Variants in SMARCC2 observed in about 807,000 individuals in gnomAD.
SMARCC2 encodes SWI/SNF complex subunit SMARCC2.
SMARCC2 carries 15 observed loss-of-function variants against 151.3 expected under a neutral mutation model. That is an observed-to-expected ratio of 0.10 (90% CI 0.07 to 0.15). The LOEUF is 0.15. Ranked by LOEUF, SMARCC2 falls within the 10% of genes least tolerant of loss-of-function variation. SMARCC2 has a pLI of 1.00. For missense variants in SMARCC2, 1,031 were observed against 1,599.7 expected (o/e 0.64, Z 6.06); for synonymous variants, 590 against 609.5 (o/e 0.97, Z 0.47).
In SMARCC2 at chr12:56,169,827, T is replaced by C. The variant is rs903469470; in HGVS notation, c.2497A>G (p.Lys833Glu). ...EAPKKDEEKG[K>E]EGDSEKESEK... is the part of the protein sequence containing the mutation. ...GACTCCTTCTCACTGTCGCCTTCTT[T>C]CCCTTTCTCCTCATCCTTCTTGGGA... The change falls in exon 24 of 29, where the codon AAA becomes GAA. Residue 833 changes from lysine to glutamate, a missense_variant. Transcript: ENST00000550164. The C allele has an allele frequency of 6.2e-7, 1 of 1,614,076 alleles. No individual in the cohort carries two copies. Among genetic ancestry groups the C allele is most frequent in the Non-Finnish European group, 8.5e-7 (1 of 1,180,012 alleles).
chr12:56,189,348 T>C lies in SMARCC2; in HGVS notation c.111+3A>G. The C allele has an allele frequency of 6.7e-7, 1 of 1,488,556 alleles. No individual in the cohort carries two copies. The highest frequency in any genetic ancestry group is 9.0e-7 in the Non-Finnish European group (1 of 1,105,494). 92.2% of individuals were successfully genotyped at this position (1,488,556 alleles called of 1,614,324 possible). Reference sequence around the variant, plus strand: ...CCCGCGCGGCCCGGCCCGGCCCGCGTACCTTCTTGTAGTTCTTGCCGAGCC... The same window carrying C: ...CCCGCGCGGCCCGGCCCGGCCCGCGCACCTTCTTGTAGTTCTTGCCGAGCC... On this transcript the variant is annotated splice_donor_region_variant and intron_variant, in intron 1 of 28. Coordinates refer to ENST00000550164, the MANE Select transcript of SMARCC2 (RefSeq NM_001330288.2).
Position 56,182,085 on chromosome 12 carries a change from A to G in SMARCC2, c.633-6T>C, listed in dbSNP as rs548815638. The G allele has an allele frequency of 1.2e-6, 2 of 1,607,536 alleles. No homozygotes were observed. The highest frequency in any genetic ancestry group is 2.7e-5 in the African/African-American group (2 of 74,808). ...CTGGGATCCACGTGTCGTAACTGCCATGGGAAATTGAGCACACAGTAGAAT... is the reference window on the plus strand; with the variant it reads ...CTGGGATCCACGTGTCGTAACTGCCGTGGGAAATTGAGCACACAGTAGAAT... On this transcript the variant is annotated splice_polypyrimidine_tract_variant and splice_region_variant and intron_variant, in intron 7 of 28. Coordinates refer to ENST00000550164, the MANE Select transcript of SMARCC2 (RefSeq NM_001330288.2).
At position 56,181,031 on chromosome 12, in the gene SMARCC2, T is replaced by C; in HGVS notation, c.1027A>G (p.Met343Val). ...EEEQEDLTKDMDEPSPVPNVE... is the reference protein window; with the variant it reads ...EEEQEDLTKDVDEPSPVPNVE... The stretch of plus-strand genomic sequence containing the variant: ...TTGGGGACTGGTGAGGGCTCGTCCA[T>C]GTCCTTTGTCAGGTCTTCTTGCTCC... The change falls in exon 11 of 29, where the codon ATG becomes GTG. Residue 343 changes from methionine to valine, a missense_variant. Around this residue, in one of 12 missense-constraint regions of SMARCC2, gnomAD observed 127 missense variants for 141.7 expected, o/e 0.90. Transcript: ENST00000550164. The C allele has an allele frequency of 6.2e-7, 1 of 1,614,044 alleles. No homozygotes were observed. The highest frequency in any genetic ancestry group is 8.5e-7 in the Non-Finnish European group (1 of 1,179,966).
chr12:56,170,429 T>G (rs1873712620), intron 22 of SMARCC2, among the ~76,000 whole-genome samples: 1 of 151,608 alleles, frequency 6.6e-6, no homozygotes, highest in Admixed American at 6.6e-5. Context: ...TTTTTTTTTG[T>G]TTTTTGTTTT....
chr12:56,178,651 C>A, intron 13 of SMARCC2, 117 bp from the exon 14 acceptor site: 1 of 1,511,678 alleles, frequency 6.6e-7, no homozygotes, highest in South Asian at 1.1e-5. Context: ...ACTGAGCAGT[C>A]ATGGGCCCCA....
At position 56,163,661 on chromosome 12, in the gene SMARCC2, T is replaced by G. The variant is rs1592267740; in HGVS notation, c.*28A>C. The G allele has an allele frequency of 5.2e-6, 7 of 1,355,324 alleles. No individual in the cohort carries two copies. Among genetic ancestry groups the G allele is most frequent in the South Asian group, 3.0e-5 (2 of 67,096 alleles). The allele number at this position is 1,355,324 out of a possible 1,614,324, so 84.0% of individuals were successfully genotyped here. A position where few individuals can be genotyped will look rare whatever the true frequency, so the allele number is the denominator to read the frequency against. ...CTGGAACCGTGATGTCCACAGGGGGTGAGGGGGAGAGATGTCTGGCTGGCT... is the reference window on the plus strand; with the variant it reads ...CTGGAACCGTGATGTCCACAGGGGGGGAGGGGGAGAGATGTCTGGCTGGCT... On this transcript the variant is annotated 3_prime_UTR_variant, in exon 29 of 29. Coordinates refer to ENST00000550164, the MANE Select transcript of SMARCC2 (RefSeq NM_001330288.2).
Position 56,165,432 on chromosome 12 carries a change from G to A in SMARCC2, c.3118C>T (p.Pro1040Ser). ...GSGAPPGSLG[P>S]SEQIGQAGST... ...CCTGCCTGCCCAATCTGTTCAGAAGGGCCCAAACTTCCTGGAGGGGCCCCA... is the reference window on the plus strand; with the variant it reads ...CCTGCCTGCCCAATCTGTTCAGAAGAGCCCAAACTTCCTGGAGGGGCCCCA... Residue 1040 changes from proline (P) to serine (S), a missense_variant, in exon 27 of 29, where the codon CCT becomes TCT. Around this residue, in one of 12 missense-constraint regions of SMARCC2, gnomAD observed 310 missense variants for 350.0 expected, o/e 0.89. Coordinates refer to ENST00000550164, the MANE Select transcript of SMARCC2 (RefSeq NM_001330288.2). 6.5e-7 allele frequency: 1 copy of A among 1,531,608 alleles called. No homozygotes were observed. The highest frequency in any genetic ancestry group is 8.8e-7 in the Non-Finnish European group (1 of 1,140,836). 94.9% of individuals were successfully genotyped at this position (1,531,608 alleles called of 1,614,324 possible).
chr12:56,177,242 C>T (rs536623228), intron 15 of SMARCC2, among the ~76,000 whole-genome samples: 30 of 152,156 alleles, frequency 2.0e-4, no homozygotes, highest in Admixed American at 2.0e-3. Context: ...CCACACCCAG[C>T]CTTGTTCATT....
chr12:56,175,952 G>A (rs1177587547), intron 15 of SMARCC2, among the ~76,000 whole-genome samples: 3 of 151,724 alleles, frequency 2.0e-5, no homozygotes, highest in Non-Finnish European at 4.4e-5. Context: ...TCCACCTCCC[G>A]GGCTCAAGTG....
intron 26 of SMARCC2, among the ~76,000 whole-genome samples, chr12:56,167,324 G>A (rs753507282): frequency 6.6e-6 from 1 of 152,050 alleles, no homozygotes; most frequent in Non-Finnish European, 1.5e-5. Flanking sequence ...CTCCAGCCTG[G>A]GCAACAAGAG....
intron 26 of SMARCC2, among the ~76,000 whole-genome samples, chr12:56,167,700 C>T (rs1416847038): frequency 6.6e-6 from 1 of 152,030 alleles, no homozygotes; most frequent in Non-Finnish European, 1.5e-5. Context: ...ATGCAGCAAT[C>T]AAAACAACCA....
chr12:56,180,058 T>C (rs569102382), intron 11 of SMARCC2, among the ~76,000 whole-genome samples: 4 of 152,308 alleles, frequency 2.6e-5, no homozygotes, highest in Non-Finnish European at 4.4e-5. Flanking sequence ...AACGTTCCCA[T>C]GGTAGCGGCT....
chr12:56,187,158 C>G, intron 2 of SMARCC2, 29 bp downstream of exon 2: 1 of 1,591,862 alleles, frequency 6.3e-7, no homozygotes. Context: ...ACCACCACCC[C>G]CCACCCTCCC....
Position 56,181,511 on chromosome 12 carries a change from T to C in SMARCC2, c.927A>G (p.Pro309=). 1 of 1,556,808 alleles carries C rather than the reference T, an allele frequency of 6.4e-7. No homozygotes were observed. The highest frequency in any genetic ancestry group is 8.6e-7 in the Non-Finnish European group (1 of 1,156,540). ...RKRSPSPSPT[P]EAKKKNAKKG... is the part of the protein sequence containing the mutation. ...TCTTAGCATTTTTCTTCTTTGCTTC[T>C]GGGGTTGGTGAAGGAGAGGGGGAGC... Residue 309 remains proline (P), a synonymous_variant, in exon 10 of 29, where the codon CCA becomes CCG. Transcript: ENST00000550164.
chr12:56,171,997 T>C lies in SMARCC2; in HGVS notation c.1927-60A>G. The C allele has an allele frequency of 6.7e-7, 1 of 1,498,196 alleles. No individual in the cohort carries two copies. The highest frequency in any genetic ancestry group is 1.3e-5 in the South Asian group (1 of 77,398). 92.8% of individuals were successfully genotyped at this position (1,498,196 alleles called of 1,614,324 possible). A position where few individuals can be genotyped will look rare whatever the true frequency, so the allele number is the denominator to read the frequency against. On this transcript the variant is annotated intron_variant, in intron 20 of 28. Coordinates refer to ENST00000550164, the MANE Select transcript of SMARCC2 (RefSeq NM_001330288.2). This position sits in a 1 kb window ranked among gnomAD's most constrained non-coding sequence, Gnocchi z 4.2. ...TTAGCCACTTTTCTCGAAGGCTGACTCCCCCCATCCTACTAAGGGCAGCTG... is the reference window on the plus strand; with the variant it reads ...TTAGCCACTTTTCTCGAAGGCTGACCCCCCCCATCCTACTAAGGGCAGCTG...
At chr12:56,179,094 G>A in intron 11 of SMARCC2, 38 bp from the exon 12 acceptor site, 1 of 1,596,782 alleles carries the variant, frequency 6.3e-7, no homozygotes, top group Non-Finnish European at 8.6e-7. Context: ...GACAGATTTT[G>A]CCTAATTCAA....
intron 20 of SMARCC2, 112 bp downstream of exon 20, chr12:56,172,316 A>C (rs1026310434): frequency 1.1e-5 from 10 of 948,876 alleles, no homozygotes; most frequent in African/African-American, 1.6e-5. Flanking sequence ...TCCTGGACTC[A>C]AGTGATCCTC....
rs199558872 is a variant in SMARCC2 at position 56,181,710 on chromosome 12, T to G, written c.834A>C (p.Thr278=). 4.1e-5 allele frequency: 66 copies of G among 1,614,232 alleles called. No homozygotes were observed. The highest frequency in any genetic ancestry group is 5.6e-5 in the Non-Finnish European group (66 of 1,180,038). ...AAAGAACAGGATTTGTCACCTCATC[T>G]GTCAGTGTCTTGGCTGAAATCTTCT... ...RRKKISAKTL[T]DEVNSPDSDR... The change falls in exon 9 of 29, where the codon ACA becomes ACC. Residue 278 remains threonine, a synonymous_variant. Transcript: ENST00000550164.
chr12:56,173,834 T>C lies in SMARCC2; in HGVS notation c.1512A>G (p.Leu504=). Residue 504 remains leucine (L), a synonymous_variant, in exon 17 of 29, where the codon CTA becomes CTG. Coordinates refer to ENST00000550164, the MANE Select transcript of SMARCC2 (RefSeq NM_001330288.2). ...VCAIMRVHAF[L]EQWGLINYQV... is the part of the protein sequence containing the mutation. ...GGTAGTTAATAAGACCCCACTGTTC[T>C]AGGAAGGCATGGACCCTGTGCAGAG... 1.2e-6 allele frequency: 2 copies of C among 1,613,604 alleles called. No individual in the cohort carries two copies. The highest frequency in any genetic ancestry group is 1.1e-5 in the South Asian group (1 of 91,032).
Sources: gnomAD v4.1 joint callset for allele counts (sites outside exome capture counted in the v4.1 genomes callset) on GRCh38, gnomAD v4.1.1 for gene constraint, gnomAD v4.1.1 regional missense constraint, Gnocchi (gnomAD v3.1) non-coding constraint, MANE v1.5 for transcripts, NCBI Gene and HGNC (gene_info 2026-07-23, HGNC 2026-07-21) for gene names.